The following AMBRA1 variants were observed in gnomAD, a reference collection of about 807,000 sequenced individuals.
The protein encoded by AMBRA1 is autophagy and beclin 1 regulator 1.
Under a neutral mutation model 125.4 loss-of-function variants are expected in AMBRA1, and 47 were observed. That is an observed-to-expected ratio of 0.37 (90% CI 0.30 to 0.48). AMBRA1 has a LOEUF of 0.48. Ranked by LOEUF, AMBRA1 falls within the 20% of genes least tolerant of loss-of-function variation. The probability of loss-of-function intolerance (pLI) is 0.99; values close to 1 mark genes in which losing one functional copy is unlikely to be tolerated. For synonymous variants in AMBRA1, 626 were observed against 655.5 expected, an observed-to-expected ratio of 0.95 and a Z score of 0.69; for missense variants, 1,331 against 1,693.4, an observed-to-expected ratio of 0.79 and a Z score of 3.76.
At chr11:46,468,536 C>T (rs553709072) in intron 11 of AMBRA1, among the ~76,000 whole-genome samples, 23 of 152,074 alleles carry the variant, frequency 1.5e-4, no homozygotes, top group African/African-American at 5.1e-4. Flanking sequence ...CAGTGACTCA[C>T]GCCTGTAATC....
intron 7 of AMBRA1, among the ~76,000 whole-genome samples, chr11:46,531,806 G>A (rs1952228524): frequency 6.6e-6 from 1 of 151,386 alleles, no homozygotes; most frequent in Admixed American, 6.6e-5. Flanking sequence ...CCCCAATGAC[G>A]AATACATTCG....
intron 5 of AMBRA1, among the ~76,000 whole-genome samples, chr11:46,545,143 TA>T (rs1202803135): frequency 1.5e-3 from 46 of 29,966 alleles, no homozygotes; most frequent in Admixed American, 5.2e-3. Flanking sequence ...CCTGTCTCCT[TA>T]AAAAAAAAAA....
At chr11:46,405,969 C>A (rs1386346766) in intron 17 of AMBRA1, among the ~76,000 whole-genome samples, 1 of 151,578 alleles carries the variant, frequency 6.6e-6, no homozygotes, top group African/African-American at 2.4e-5. Flanking sequence ...CAGGACTCAA[C>A]AGATCCTCCT....
intron 1 of AMBRA1, among the ~76,000 whole-genome samples, chr11:46,570,261 C>CA (rs200875374): frequency 0.29 from 4,117 of 14,246 alleles, 1,296 homozygotes; most frequent in Non-Finnish European, 0.4. Flanking sequence ...GACCATGTCT[C>CA]AAAAAAAAAA....
intron 14 of AMBRA1, among the ~76,000 whole-genome samples, chr11:46,431,916 T>G (rs1947469927): frequency 6.6e-6 from 1 of 152,230 alleles, no homozygotes; most frequent in Non-Finnish European, 1.5e-5. Context: ...CATTGTGATA[T>G]CAAGAGGACA....
At chr11:46,424,566 G>T (rs1000146471) in intron 14 of AMBRA1, among the ~76,000 whole-genome samples, 1 of 152,188 alleles carries the variant, frequency 6.6e-6, no homozygotes, top group African/African-American at 2.4e-5. Context: ...AATTATACTC[G>T]CTGGGCGTGA....
intron 11 of AMBRA1, among the ~76,000 whole-genome samples, chr11:46,472,548 A>G (rs1949642142): frequency 6.6e-6 from 1 of 152,212 alleles, no homozygotes; most frequent in South Asian, 2.1e-4. Flanking sequence ...TAAATGACTC[A>G]CTCAAATTGT....
At chr11:46,398,021 G>A (rs992274341) in intron 17 of AMBRA1, 78 bp from the exon 18 acceptor site, 1 of 1,498,146 alleles carries the variant, frequency 6.7e-7, no homozygotes, top group Non-Finnish European at 8.9e-7. Context: ...GCCACCGGTA[G>A]CAGCTGGGGG....
chr11:46,418,240 T>C (rs1046005264), intron 14 of AMBRA1, among the ~76,000 whole-genome samples, 188 bp from the exon 15 acceptor site: 10 of 144,338 alleles, frequency 6.9e-5, no homozygotes, highest in African/African-American at 1.5e-4. Flanking sequence ...TATATAAATA[T>C]ATATAATATA....
chr11:46,581,402 A>C (rs1263247743), intron 1 of AMBRA1, among the ~76,000 whole-genome samples: 1 of 151,900 alleles, frequency 6.6e-6, no homozygotes, highest in East Asian at 2.0e-4. Context: ...AAGTCAGGAG[A>C]TCGAGACCAT....
Position 46,542,662 on chromosome 11 carries a change from C to G in AMBRA1, c.1355G>C (p.Arg452Thr), listed in dbSNP as rs1952804402. 2 of 1,614,204 alleles carry G rather than the reference C, an allele frequency of 1.2e-6. No individual in the cohort carries two copies. The highest frequency in any genetic ancestry group is 4.5e-5 in the East Asian group (2 of 44,890). Reference sequence around the variant, plus strand: ...TGCCTGAGAGCCACCTTCCTGCTGTCTCAGCACAGACAGCAAACTCACCGA... The same window carrying G: ...TGCCTGAGAGCCACCTTCCTGCTGTGTCAGCACAGACAGCAAACTCACCGA... ...ASSVSLLSVLRQQEGGSQASV... is the reference protein window; with the variant it reads ...ASSVSLLSVLTQQEGGSQASV... The change falls in exon 7 of 18, where the codon AGA becomes ACA. Residue 452 changes from arginine to threonine, a missense_variant. This residue lies in a region of AMBRA1 where 689 missense variants were observed against 776.5 expected (regional missense o/e 0.89). Coordinates refer to ENST00000683756, the MANE Select transcript of AMBRA1 (RefSeq NM_001387011.1). The surrounding 1 kb of genome is among the most constrained non-coding windows in gnomAD (Gnocchi z 5.9).
chr11:46,507,207 C>T (rs1356247173), intron 9 of AMBRA1, among the ~76,000 whole-genome samples: 4 of 130,630 alleles, frequency 3.1e-5, no homozygotes, highest in Non-Finnish European at 6.4e-5. Flanking sequence ...AGGCTTGGCA[C>T]GGTGGGTCAC....
Position 46,493,607 on chromosome 11 carries a change from C to T in AMBRA1, c.2521+1G>A. On this transcript the variant is annotated splice_donor_variant, in intron 11 of 17. Transcript: ENST00000683756. LOFTEE classifies it high-confidence loss of function. ...CAAAAGCCAAAGAAACATTTCCTTA[C>T]CTGCCAGGACCCTGTTAACAGAAGA... 6.3e-7 allele frequency: 1 copy of T among 1,599,956 alleles called. No homozygotes were observed. The highest frequency in any genetic ancestry group is 8.5e-7 in the Non-Finnish European group (1 of 1,175,562).
chr11:46,485,533 T>C (rs1219854327), intron 11 of AMBRA1, among the ~76,000 whole-genome samples: 2 of 152,162 alleles, frequency 1.3e-5, no homozygotes, highest in Non-Finnish European at 2.9e-5. Flanking sequence ...AAACAAAACA[T>C]AGATATTGGG....
At chr11:46,514,059 G>A (rs1293016393) in intron 7 of AMBRA1, among the ~76,000 whole-genome samples, 2 of 152,040 alleles carry the variant, frequency 1.3e-5, no homozygotes, top group Non-Finnish European at 2.9e-5. Flanking sequence ...AGAGAGGAAC[G>A]CATATTGTTC....
Position 46,410,512 on chromosome 11 carries a change from C to T in AMBRA1, c.3117-144G>A, listed in dbSNP as rs141278389. 4.5e-4 allele frequency: 313 copies of T among 690,202 alleles called. No homozygotes were observed. In the African/African-American group the frequency reaches 5.0e-3, roughly 11 times the overall value. The allele number at this position is 690,202 out of a possible 1,614,324, so 42.8% of individuals were successfully genotyped here. The stretch of plus-strand genomic sequence containing the variant: ...GGCTGAGCTGAAACCAAGACCAGAG[C>T]TGCTGCCTCATCAGGATGCTCAGTG... On this transcript the variant is annotated intron_variant, in intron 15 of 17. Transcript: ENST00000683756.
intron 1 of AMBRA1, among the ~76,000 whole-genome samples, chr11:46,551,587 G>A (rs768667043): frequency 1.3e-5 from 2 of 152,110 alleles, no homozygotes; most frequent in African/African-American, 2.4e-5. Context: ...AATATTAAAC[G>A]ACACCAGGCG....
intron 11 of AMBRA1, among the ~76,000 whole-genome samples, chr11:46,477,592 C>T (rs189027088): frequency 2.3e-3 from 343 of 152,142 alleles, no homozygotes; most frequent in African/African-American, 7.8e-3. Flanking sequence ...CCCACCTTGG[C>T]CTACTGTGCT....
Position 46,397,931 on chromosome 11 carries a change from T to C in AMBRA1, c.3416A>G (p.Glu1139Gly), listed in dbSNP as rs1461737463. ...ASGPGEGEGS[E>G]YGASGEDALS... is the part of the protein sequence containing the mutation. ...CGCATCTTCTCCACTGGCACCATAC[T>C]CTGAACCCTCACCTGGCAGATACAA... Residue 1139 changes from glutamate to glycine, a missense_variant, in exon 18 of 18, where the codon GAG becomes GGG. By Grantham distance (98) the Glu-to-Gly change is moderately conservative. Around this residue, in one of 4 missense-constraint regions of AMBRA1, gnomAD observed 354 missense variants for 532.7 expected, o/e 0.66. Transcript: ENST00000683756. 6.3e-7 allele frequency: 1 copy of C among 1,590,974 alleles called. No individual in the cohort carries two copies. The highest frequency in any genetic ancestry group is 2.2e-5 in the East Asian group (1 of 44,620).
Sources: gnomAD v4.1 joint callset for allele counts (sites outside exome capture counted in the v4.1 genomes callset) on GRCh38, gnomAD v4.1.1 for gene constraint, gnomAD v4.1.1 regional missense constraint, Gnocchi (gnomAD v3.1) non-coding constraint, MANE v1.5 for transcripts, NCBI Gene and HGNC (gene_info 2026-07-23, HGNC 2026-07-21) for gene names.